Variants in PTCHD4 observed in about 807,000 individuals in gnomAD.
The protein encoded by PTCHD4 is patched domain-containing protein 4.
PTCHD4 carries 33 observed loss-of-function variants against 58.1 expected under a neutral mutation model. The observed-to-expected ratio is 0.57, with a 90% CI of 0.43 to 0.76. PTCHD4 has a LOEUF of 0.76. PTCHD4 is among the 30% of genes least tolerant of loss of function. The pLI, the probability that PTCHD4 is intolerant of heterozygous loss-of-function variation, is 0.00. For missense variants in PTCHD4, 1,058 were observed against 1,027.1 expected, an observed-to-expected ratio of 1.03 and a Z score of -0.41; for synonymous variants, 478 against 409.6, an observed-to-expected ratio of 1.17 and a Z score of -2.02.
rs80213421 is a variant in PTCHD4 at position 48,019,658 on chromosome 6, C to T, written c.418-10544G>A. Reference sequence around the variant, plus strand: ...GGCTGAGGCAGGAGAATGGCGTTAACCCGGCAGGCGGAGCTTGCACTGAGC... The same window carrying T: ...GGCTGAGGCAGGAGAATGGCGTTAATCCGGCAGGCGGAGCTTGCACTGAGC... On this transcript the variant is annotated intron_variant, in intron 3 of 4. Coordinates refer to ENST00000339488, the MANE Select transcript of PTCHD4 (RefSeq NM_001384253.1). Among the ~76,000 whole-genome samples, 32 of 152,050 alleles carry T rather than the reference C, an allele frequency of 2.1e-4. 1 individual carries two copies. The East Asian group carries it at 4.1e-3, about 19-fold the overall frequency.
chr6:48,057,313 T>A (rs925583379), intron 3 of PTCHD4, among the ~76,000 whole-genome samples: 2 of 152,116 alleles, frequency 1.3e-5, no homozygotes, highest in African/African-American at 2.4e-5. Context: ...TCATAGGATA[T>A]CAGACTGACT....
At chr6:48,020,204 T>G (rs567549900) in intron 3 of PTCHD4, among the ~76,000 whole-genome samples, 18 of 152,228 alleles carry the variant, frequency 1.2e-4, no homozygotes, top group African/African-American at 4.1e-4. Flanking sequence ...ATGGCATGAT[T>G]TTTTTTCCTT....
chr6:47,860,717 A>G lies in PTCHD4; in HGVS notation c.*17586T>C, dbSNP rs964000528. Among the ~76,000 whole-genome samples, 1 of 151,926 alleles carries G rather than the reference A, an allele frequency of 6.6e-6. No individual in the cohort carries two copies. Among genetic ancestry groups the G allele is most frequent in the African/African-American group, 2.4e-5 (1 of 41,400 alleles). The stretch of plus-strand genomic sequence containing the variant: ...TATTAGTGGAGCAGAAATTATAAAC[A>G]TTTGAGAGACATAGGTAGAGGGTTA... On this transcript the variant is annotated 3_prime_UTR_variant, in exon 5 of 5. Coordinates refer to ENST00000339488, the MANE Select transcript of PTCHD4 (RefSeq NM_001384253.1).
chr6:48,086,026 T>TA lies in PTCHD4; in HGVS notation c.-969-16101dup, dbSNP rs917868790. ...TTTTGACATGACCTGTAACAATAAT[T>TA]AAAAAAAAAAGTGGTACAGCAATAT... On this transcript the variant is annotated intron_variant, in intron 1 of 4. Transcript: ENST00000339488. Among the ~76,000 whole-genome samples, 390 of 148,538 alleles carry TA rather than the reference T, an allele frequency of 2.6e-3. 1 individual carries two copies. Among genetic ancestry groups the TA allele is most frequent in the African/African-American group, 9.0e-3 (364 of 40,458 alleles).
chr6:48,008,884 G>A lies in PTCHD4; in HGVS notation c.648C>T (p.Ser216=), dbSNP rs768695730. Residue 216 remains serine (S), a synonymous_variant, in exon 4 of 5, where the codon TCC becomes TCT. Transcript: ENST00000339488. ...TATGAAAGTCCCTCCAGAGGCTAAA[G>A]GATGCTAAAGAGTAGAGCTGGAGTT... ...HQELQLYSLA[S]FSLWRDFHKT... The A allele has an allele frequency of 7.6e-5, 122 of 1,613,912 alleles. No individual in the cohort carries two copies. The highest frequency in any genetic ancestry group is 9.9e-5 in the Non-Finnish European group (117 of 1,179,912).
Position 48,107,054 on chromosome 6 carries a change from C to T in PTCHD4, c.-970+3995G>A, listed in dbSNP as rs573957123. Among the ~76,000 whole-genome samples the T allele has an allele frequency of 7.9e-5, 12 of 152,134 alleles. No individual in the cohort carries two copies. In the South Asian group the frequency reaches 2.5e-3, roughly 32 times the overall value. ...GGTAATTTATAGATTCAATGCCATC[C>T]CCATCAAGCTACCAATGACTTTCTG... On this transcript the variant is annotated intron_variant, in intron 1 of 4. Coordinates refer to ENST00000339488, the MANE Select transcript of PTCHD4 (RefSeq NM_001384253.1).
At chr6:48,105,992 A>T (rs1765711724) in intron 1 of PTCHD4, among the ~76,000 whole-genome samples, 1 of 152,328 alleles carries the variant, frequency 6.6e-6, no homozygotes, top group Admixed American at 6.5e-5. Flanking sequence ...CCAGGACAAG[A>T]TGGATTCACA....
chr6:48,021,520 T>A (rs1408368430), intron 3 of PTCHD4, among the ~76,000 whole-genome samples: 1 of 152,184 alleles, frequency 6.6e-6, no homozygotes, highest in East Asian at 1.9e-4. Context: ...TTTAATTTCA[T>A]AAACAAGGCC....
chr6:48,046,657 T>C (rs1764046059), intron 3 of PTCHD4, among the ~76,000 whole-genome samples: 1 of 151,894 alleles, frequency 6.6e-6, no homozygotes, highest in East Asian at 1.9e-4. Context: ...TCAATTGTTC[T>C]GACTTTTAAG....
At chr6:48,037,574 T>C (rs1192672939) in intron 3 of PTCHD4, among the ~76,000 whole-genome samples, 1 of 152,172 alleles carries the variant, frequency 6.6e-6, no homozygotes. Context: ...AGACATGCAC[T>C]GTGAACTTCA....
chr6:47,903,969 T>A (rs1234200182), intron 4 of PTCHD4, among the ~76,000 whole-genome samples: 1 of 152,056 alleles, frequency 6.6e-6, no homozygotes, highest in East Asian at 1.9e-4. Flanking sequence ...AGGAGAAGCA[T>A]ATTCCTGATA....
intron 3 of PTCHD4, among the ~76,000 whole-genome samples, chr6:48,063,264 TAA>T (rs1764693581): frequency 6.6e-6 from 1 of 152,176 alleles, no homozygotes; most frequent in Non-Finnish European, 1.5e-5. Flanking sequence ...AAGAATTTGC[TAA>T]ACTCTCCACA....
chr6:47,920,002 G>A (rs1392033183), intron 4 of PTCHD4, among the ~76,000 whole-genome samples: 1 of 152,046 alleles, frequency 6.6e-6, no homozygotes, highest in East Asian at 1.9e-4. Context: ...CTTAGGTGAT[G>A]GTGGTGTCAC....
chr6:47,901,421 C>T, intron 4 of PTCHD4: 2 of 976,428 alleles, frequency 2.0e-6, no homozygotes, highest in Non-Finnish European at 2.4e-6. Context: ...GATAATTGTT[C>T]CTCCCTCTCA....
At chr6:47,942,083 AT>A (rs1229124426) in intron 4 of PTCHD4, among the ~76,000 whole-genome samples, 1 of 152,178 alleles carries the variant, frequency 6.6e-6, no homozygotes, top group Non-Finnish European at 1.5e-5. Context: ...ATATTATGCA[AT>A]TTGGCCATTC....
At position 47,938,567 on chromosome 6, in the gene PTCHD4, A is replaced by C. The variant is rs1766099623; in HGVS notation, c.899-58631T>G. Among the ~76,000 whole-genome samples the C allele has an allele frequency of 2.6e-5, 4 of 152,226 alleles. No individual in the cohort carries two copies. In the South Asian group the frequency reaches 8.3e-4, roughly 31 times the overall value. ...ACTAAAGGCGATGGGAGAGAACTGCAACATAGTACTAGGCAAGTGGGTAGT... is the reference window on the plus strand; with the variant it reads ...ACTAAAGGCGATGGGAGAGAACTGCCACATAGTACTAGGCAAGTGGGTAGT... On this transcript the variant is annotated intron_variant, in intron 4 of 4. Coordinates refer to ENST00000339488, the MANE Select transcript of PTCHD4 (RefSeq NM_001384253.1).
chr6:47,993,097 A>T (rs1293386254), intron 4 of PTCHD4, among the ~76,000 whole-genome samples: 1 of 152,184 alleles, frequency 6.6e-6, no homozygotes, highest in African/African-American at 2.4e-5. Flanking sequence ...AGCCTCTTTT[A>T]TATATATTTG....
At chr6:48,039,791 A>G (rs1023349601) in intron 3 of PTCHD4, among the ~76,000 whole-genome samples, 1 of 152,098 alleles carries the variant, frequency 6.6e-6, no homozygotes, top group Non-Finnish European at 1.5e-5. Context: ...TCTGTCCCCA[A>G]CCTTGTTCAT....
intron 4 of PTCHD4, chr6:47,901,737 C>T (rs1764712082): frequency 8.4e-7 from 1 of 1,192,518 alleles, no homozygotes; most frequent in Non-Finnish European, 1.1e-6. Flanking sequence ...AATGAACTCT[C>T]AGATTGCTCT....
Sources: gnomAD v4.1 joint callset for allele counts (sites outside exome capture counted in the v4.1 genomes callset) on GRCh38, gnomAD v4.1.1 for gene constraint, MANE v1.5 for transcripts, NCBI Gene and HGNC (gene_info 2026-07-23, HGNC 2026-07-21) for gene names.